The following DENND1A variants were observed in gnomAD, a reference collection of about 807,000 sequenced individuals.
DENND1A encodes DENN domain containing 1A, also known as DENN domain-containing protein 1A.
In DENND1A, 51 loss-of-function variants were observed where a neutral mutation model predicts 113.7. That is an observed-to-expected ratio of 0.45 (90% CI 0.36 to 0.57). The LOEUF (loss-of-function observed/expected upper bound fraction) is 0.57. Ranked by LOEUF, DENND1A falls within the 20% of genes least tolerant of loss-of-function variation. The pLI, the probability that DENND1A is intolerant of heterozygous loss-of-function variation, is 0.00. For synonymous variants in DENND1A, 565 were observed against 570.8 expected, an observed-to-expected ratio of 0.99 and a Z score of 0.14; for missense variants, 1,258 against 1,395.9, an observed-to-expected ratio of 0.90 and a Z score of 1.57.
At chr9:123,790,365 C>T (rs1477798691) in intron 3 of DENND1A, among the ~76,000 whole-genome samples, 1 of 151,346 alleles carries the variant, frequency 6.6e-6, no homozygotes, top group Non-Finnish European at 1.5e-5. Context: ...CTTCATTAAT[C>T]ATTTCTTGGG....
chr9:123,566,545 A>G (rs1238853750), intron 12 of DENND1A, among the ~76,000 whole-genome samples: 2 of 152,246 alleles, frequency 1.3e-5, no homozygotes, highest in African/African-American at 2.4e-5. Context: ...AATTATCATT[A>G]TGTGAATGGC....
At chr9:123,478,306 G>A (rs922557602) in intron 13 of DENND1A, among the ~76,000 whole-genome samples, 10 of 152,220 alleles carry the variant, frequency 6.6e-5, no homozygotes, top group Admixed American at 3.3e-4. Context: ...GGGAATAAGC[G>A]TCCAGGGCAT....
chr9:123,903,128 C>A (rs1323204272), intron 1 of DENND1A, among the ~76,000 whole-genome samples: 1 of 151,182 alleles, frequency 6.6e-6, no homozygotes, highest in East Asian at 1.9e-4. Flanking sequence ...GTCAGGAGAT[C>A]GAGACCATCC....
rs1026489518 is a variant in DENND1A, at chr9:123,757,802, C to A, written c.203G>T (p.Gly68Val). 19 of 1,613,662 alleles carry A rather than the reference C, an allele frequency of 1.2e-5. No individual in the cohort carries two copies. The highest frequency in any genetic ancestry group is 1.5e-5 in the Non-Finnish European group (18 of 1,179,916). ...AGTGAGCACGAATGTGAAGTTCTGG[C>A]CAACTTGGCTAACTGTGAGGCTGCA... ...YVDSLTVSQV[G>V]QNFTFVLTDI... The change falls in exon 5 of 24, where the codon GGC becomes GTC. Residue 68 changes from glycine (G) to valine (V), a missense_variant. Gly to Val is a moderately radical substitution (Grantham distance 109, BLOSUM62 -3). Around this residue, in one of 2 missense-constraint regions of DENND1A, gnomAD observed 99 missense variants for 164.2 expected, o/e 0.60. Coordinates refer to ENST00000394215, the MANE Select transcript of DENND1A (RefSeq NM_001352964.2).
chr9:123,875,526 G>A (rs1233102469), intron 2 of DENND1A, among the ~76,000 whole-genome samples: 1 of 152,122 alleles, frequency 6.6e-6, no homozygotes, highest in Non-Finnish European at 1.5e-5. Flanking sequence ...AAAAGCAGTG[G>A]TGCAGGGCAA....
At chr9:123,719,551 G>A (rs373650511) in intron 5 of DENND1A, among the ~76,000 whole-genome samples, 3 of 152,166 alleles carry the variant, frequency 2.0e-5, no homozygotes, top group African/African-American at 7.2e-5. Context: ...GTTTTAAAGA[G>A]AGTGAATACC....
At chr9:123,448,506 C>T (rs1427214222) in intron 18 of DENND1A, among the ~76,000 whole-genome samples, 3 of 152,176 alleles carry the variant, frequency 2.0e-5, no homozygotes, top group African/African-American at 7.2e-5. Context: ...ACCAACGAGC[C>T]TACGATCCAG....
chr9:123,833,828 A>G (rs1174595492), intron 2 of DENND1A, among the ~76,000 whole-genome samples: 1 of 152,198 alleles, frequency 6.6e-6, no homozygotes, highest in East Asian at 1.9e-4. Flanking sequence ...TGGGAGGCCA[A>G]CATGGGCAGA....
intron 14 of DENND1A, 139 bp from the exon 15 acceptor site, chr9:123,457,574 CG>C: frequency 1.3e-6 from 1 of 794,874 alleles, no homozygotes; most frequent in Non-Finnish European, 2.0e-6. Context: ...TCTAAAATAC[CG>C]GCTGCATATT....
At chr9:123,728,490 A>AAAAAAAAAC in intron 5 of DENND1A, among the ~76,000 whole-genome samples, 1 of 142,108 alleles carries the variant, frequency 7.0e-6, no homozygotes, top group African/African-American at 2.7e-5. Context: ...AAAAAAAAAA[A>AAAAAAAAAC]AAAAAAAAAA....
At chr9:123,463,447 C>A (rs898580608) in intron 13 of DENND1A, among the ~76,000 whole-genome samples, 3 of 152,148 alleles carry the variant, frequency 2.0e-5, no homozygotes, top group African/African-American at 7.2e-5. Flanking sequence ...AAAATAAAAT[C>A]TCTCATCAGA....
chr9:123,573,035 G>GA (rs2058443133), intron 12 of DENND1A, among the ~76,000 whole-genome samples: 3 of 151,950 alleles, frequency 2.0e-5, no homozygotes, highest in African/African-American at 7.2e-5. Flanking sequence ...ACGTTTGTTG[G>GA]AATAAAAGAT....
chr9:123,500,587 C>T (rs1365005543), intron 13 of DENND1A, among the ~76,000 whole-genome samples: 1 of 152,200 alleles, frequency 6.6e-6, no homozygotes, highest in African/African-American at 2.4e-5. Context: ...TTAATCTCTC[C>T]CCCTTCTGGG....
chr9:123,853,545 T>G (rs982062481), intron 2 of DENND1A, among the ~76,000 whole-genome samples: 5 of 151,934 alleles, frequency 3.3e-5, no homozygotes, highest in African/African-American at 1.2e-4. Flanking sequence ...GCGCCTGTAA[T>G]CCCAGCTACA....
intron 2 of DENND1A, 87 bp from the exon 3 acceptor site, chr9:123,792,717 T>C: frequency 4.0e-6 from 6 of 1,487,752 alleles, no homozygotes; most frequent in South Asian, 1.2e-5. Context: ...CAGAAGATGA[T>C]AGCAGCCCTG....
chr9:123,536,358 T>C (rs1057144007), intron 13 of DENND1A, among the ~76,000 whole-genome samples: 2 of 151,210 alleles, frequency 1.3e-5, no homozygotes, highest in Non-Finnish European at 2.9e-5. Flanking sequence ...TAGTCCCAGC[T>C]ATTCGGGAGG....
chr9:123,437,093 T>A (rs544763658), intron 19 of DENND1A, among the ~76,000 whole-genome samples: 1 of 152,122 alleles, frequency 6.6e-6, no homozygotes, highest in Middle Eastern at 3.4e-3. Context: ...GCCCTGGGAG[T>A]GCTTGGAGCC....
chr9:123,815,318 T>C (rs1203160032), intron 2 of DENND1A, among the ~76,000 whole-genome samples: 1 of 152,198 alleles, frequency 6.6e-6, no homozygotes, highest in East Asian at 1.9e-4. Flanking sequence ...GCAGACGAAA[T>C]ATTCCTAACT....
chr9:123,747,875 T>C (rs766440709), intron 5 of DENND1A, among the ~76,000 whole-genome samples: 6 of 152,186 alleles, frequency 3.9e-5, no homozygotes, highest in Non-Finnish European at 4.4e-5. Flanking sequence ...CCAAGACTTT[T>C]GATACTATTT....
Sources: gnomAD v4.1 joint callset for allele counts (sites outside exome capture counted in the v4.1 genomes callset) on GRCh38, gnomAD v4.1.1 for gene constraint, gnomAD v4.1.1 regional missense constraint, MANE v1.5 for transcripts, NCBI Gene and HGNC (gene_info 2026-07-23, HGNC 2026-07-21) for gene names.